Variants in PEBP4 observed in about 807,000 individuals in gnomAD.
PEBP4 encodes phosphatidylethanolamine binding protein 4.
A neutral mutation model predicts 23.9 loss-of-function variants in PEBP4; 22 were observed. The ratio of observed to expected loss-of-function variants is 0.92; its 90% CI spans 0.66 to 1.31. The LOEUF (loss-of-function observed/expected upper bound fraction) is 1.31, where lower values mean the gene tolerates loss of function less well. Ranked by LOEUF, PEBP4 falls within the 40% of genes most tolerant of loss-of-function variation. The pLI is 0.00. For synonymous variants in PEBP4, 112 were observed against 99.3 expected, an observed-to-expected ratio of 1.13 and a Z score of -0.76; for missense variants, 324 against 281.7, an observed-to-expected ratio of 1.15 and a Z score of -1.07.
intron 4 of PEBP4, among the ~76,000 whole-genome samples, chr8:22,753,872 C>A (rs185615666): frequency 1.3e-5 from 2 of 152,168 alleles, no homozygotes; most frequent in South Asian, 4.1e-4. Flanking sequence ...GACAGCTGTG[C>A]GGGGAACAGA....
At chr8:22,898,423 A>C (rs1304833361) in intron 3 of PEBP4, among the ~76,000 whole-genome samples, 6 of 110,714 alleles carry the variant, frequency 5.4e-5, no homozygotes, top group African/African-American at 1.5e-4. Context: ...AAAAAAAAAA[A>C]AAAAAAAACC....
In PEBP4 at chr8:22,729,461, G is replaced by C. The variant is rs570403236; in HGVS notation, c.358-2241C>G. Among the ~76,000 whole-genome samples the C allele has an allele frequency of 4.6e-5, 7 of 152,378 alleles. No homozygotes were observed. In the South Asian group the frequency reaches 1.4e-3, roughly 32 times the overall value. On this transcript the variant is annotated intron_variant, in intron 4 of 6. Transcript: ENST00000256404. ...GGCAAGGGAGCAGGCAAGGGTGGGG[G>C]CCAGGGCCAGTCAGATCAGGGAGCT...
chr8:22,840,657 G>T (rs1807307099), intron 3 of PEBP4, among the ~76,000 whole-genome samples: 2 of 152,150 alleles, frequency 1.3e-5, no homozygotes, highest in South Asian at 2.1e-4. Context: ...TCAAAGACTT[G>T]GTTGGAAGAA....
intron 2 of PEBP4, among the ~76,000 whole-genome samples, chr8:22,926,214 T>A (rs1344014028): frequency 6.6e-6 from 1 of 152,008 alleles, no homozygotes; most frequent in Non-Finnish European, 1.5e-5. Context: ...CTGACCTTGT[T>A]ATCTGCCTGC....
rs992082963 is a variant in PEBP4 at position 22,819,962 on chromosome 8, A to G, written c.259-2227T>C. 2.0e-5 allele frequency among the ~76,000 whole-genome samples: 3 copies of G among 152,186 alleles called. No homozygotes were observed. The East Asian group carries it at 5.8e-4, about 29-fold the overall frequency. On this transcript the variant is annotated intron_variant, in intron 3 of 6. Transcript: ENST00000256404. ...TGTAGACCAATGGAAATGGTCCAGT[A>G]TAGAAAGGGAGGTAGAGATGACAGA...
chr8:22,866,850 T>C (rs1258138165), intron 3 of PEBP4, among the ~76,000 whole-genome samples: 2 of 152,164 alleles, frequency 1.3e-5, no homozygotes, highest in African/African-American at 2.4e-5. Context: ...ACAGCTTGAA[T>C]GCAAAGCTTC....
chr8:22,809,079 C>T (rs1376417308), intron 4 of PEBP4, among the ~76,000 whole-genome samples: 1 of 152,136 alleles, frequency 6.6e-6, no homozygotes, highest in Non-Finnish European at 1.5e-5. Flanking sequence ...ACTTTCTAAG[C>T]TTCCTATGGA....
chr8:22,719,918 GC>G (rs932265474), intron 6 of PEBP4, among the ~76,000 whole-genome samples: 1 of 152,208 alleles, frequency 6.6e-6, no homozygotes, highest in Non-Finnish European at 1.5e-5. Flanking sequence ...CACAGAGGTG[GC>G]TGCCTTCTCA....
chr8:22,894,898 C>T (rs1406250809), intron 3 of PEBP4, among the ~76,000 whole-genome samples: 1 of 152,106 alleles, frequency 6.6e-6, no homozygotes, highest in African/African-American at 2.4e-5. Context: ...CCCTTTTCCC[C>T]AGGTCCTGTC....
At chr8:22,772,853 C>A (rs1368901082) in intron 4 of PEBP4, among the ~76,000 whole-genome samples, 1 of 152,182 alleles carries the variant, frequency 6.6e-6, no homozygotes, top group East Asian at 1.9e-4. Flanking sequence ...AGCCTCTTAG[C>A]TGGAAGGTCC....
chr8:22,818,500 G>A (rs1806792695), intron 3 of PEBP4, among the ~76,000 whole-genome samples: 1 of 152,166 alleles, frequency 6.6e-6, no homozygotes, highest in Non-Finnish European at 1.5e-5. Flanking sequence ...GGACAAGCAA[G>A]GGGGAGGGTG....
intron 3 of PEBP4, among the ~76,000 whole-genome samples, chr8:22,824,004 G>A (rs1364152010): frequency 7.3e-6 from 1 of 136,072 alleles, no homozygotes; most frequent in Non-Finnish European, 1.6e-5. Context: ...AGAAACAATG[G>A]GTAGATCTCC....
chr8:22,809,663 G>T (rs1217173375), intron 4 of PEBP4, among the ~76,000 whole-genome samples: 1 of 152,198 alleles, frequency 6.6e-6, no homozygotes, highest in Non-Finnish European at 1.5e-5. Context: ...TGCATGAGGT[G>T]CTTATGTAAA....
chr8:22,750,632 T>A (rs1805235295), intron 4 of PEBP4, among the ~76,000 whole-genome samples: 1 of 151,702 alleles, frequency 6.6e-6, no homozygotes, highest in Non-Finnish European at 1.5e-5. Flanking sequence ...TGGGAGTTTG[T>A]TTTTTTTCCT....
chr8:22,807,030 G>A (rs907234089), intron 4 of PEBP4, among the ~76,000 whole-genome samples: 2 of 152,112 alleles, frequency 1.3e-5, no homozygotes, highest in Non-Finnish European at 2.9e-5. Context: ...TTTGAATTCC[G>A]ATGTTTTGAT....
Position 22,865,356 on chromosome 8 carries a change from G to A in PEBP4, c.259-47621C>T, listed in dbSNP as rs1585313376. Among the ~76,000 whole-genome samples the A allele has an allele frequency of 1.6e-5, 1 of 61,424 alleles. No individual in the cohort carries two copies. The highest frequency in any genetic ancestry group is 6.3e-4 in the East Asian group (1 of 1,580). The allele number at this position is 61,424 out of a possible 152,430, so 40.3% of individuals were successfully genotyped here. On this transcript the variant is annotated intron_variant, in intron 3 of 6. Coordinates refer to ENST00000256404, the MANE Select transcript of PEBP4 (RefSeq NM_144962.3). This position sits in a 1 kb window ranked among gnomAD's most constrained non-coding sequence, Gnocchi z 6.9. ...GCGGCGTCTCCCGCTGCCCACCCAC[G>A]GGCGGTGACGGTGGCGGTGGCGGTG...
intron 4 of PEBP4, among the ~76,000 whole-genome samples, chr8:22,805,795 T>TTA (rs1554487542): frequency 6.6e-6 from 1 of 151,642 alleles, no homozygotes; most frequent in Non-Finnish European, 1.5e-5. Context: ...TATTTTTTTT[T>TTA]AAAAAAAAGG....
chr8:22,922,644 T>C (rs1305962721), intron 2 of PEBP4, among the ~76,000 whole-genome samples: 1 of 151,672 alleles, frequency 6.6e-6, no homozygotes, highest in Non-Finnish European at 1.5e-5. Flanking sequence ...GAGGATCACT[T>C]GAGCCCAGGA....
chr8:22,935,263 G>A (rs1809518839), intron 1 of PEBP4, among the ~76,000 whole-genome samples: 1 of 152,216 alleles, frequency 6.6e-6, no homozygotes, highest in Admixed American at 6.5e-5. Flanking sequence ...GCTCACACCT[G>A]TCATCCCAGC....
Sources: allele counts gnomAD v4.1 joint callset (sites outside exome capture counted in the v4.1 genomes callset), GRCh38; gene constraint gnomAD v4.1.1; non-coding constraint Gnocchi (gnomAD v3.1); transcripts MANE v1.5; gene names NCBI Gene and HGNC (gene_info 2026-07-23, HGNC 2026-07-21).